CELF2: variants seen among roughly 807,000 people sequenced by gnomAD.
The protein encoded by CELF2 is CUGBP Elav-like family member 2.
Under a neutral mutation model 62.6 loss-of-function variants are expected in CELF2, and 8 were observed. The observed-to-expected ratio is 0.13, with a 90% CI of 0.07 to 0.23. The LOEUF (loss-of-function observed/expected upper bound fraction) is 0.23, where lower values mean the gene tolerates loss of function less well. Ranked by LOEUF, CELF2 falls within the 10% of genes least tolerant of loss-of-function variation. The probability of loss-of-function intolerance (pLI) is 1.00; values close to 1 mark genes in which losing one functional copy is unlikely to be tolerated. For missense variants in CELF2, 333 were observed against 671.0 expected (o/e 0.50, Z 5.56); for synonymous variants, 258 against 250.0 (o/e 1.03, Z -0.30).
intron 5 of CELF2, among the ~76,000 whole-genome samples, chr10:11,258,430 A>G (rs1296016301): frequency 6.6e-6 from 1 of 152,190 alleles, no homozygotes; most frequent in Non-Finnish European, 1.5e-5. Flanking sequence ...GGAACTCGTT[A>G]AGTGACAGAA....
At chr10:10,651,612 C>T in the CELF2 span, among the ~76,000 whole-genome samples, 1 of 146,468 alleles carries the variant, frequency 6.8e-6, no homozygotes, top group South Asian at 2.5e-4. Context: ...CAGGGGCACA[C>T]TGACACCTCA....
the CELF2 span, among the ~76,000 whole-genome samples, chr10:10,680,082 A>G: frequency 6.6e-6 from 1 of 152,226 alleles, no homozygotes; most frequent in Non-Finnish European, 1.5e-5. Flanking sequence ...TTCTCGAATC[A>G]ACATGCTATC....
chr10:10,533,330 T>C, the CELF2 span, among the ~76,000 whole-genome samples: 18 of 152,334 alleles, frequency 1.2e-4, no homozygotes, highest in East Asian at 3.3e-3. Context: ...TAGAGTCCAA[T>C]ATTCAGAGCA....
At chr10:10,611,961 G>A in the CELF2 span, among the ~76,000 whole-genome samples, 4 of 152,060 alleles carry the variant, frequency 2.6e-5, no homozygotes, top group Admixed American at 2.0e-4. Context: ...AGACTCCAAG[G>A]AGATCCATGA....
chr10:11,027,742 A>G (rs1206423296), intron 1 of CELF2, among the ~76,000 whole-genome samples: 1 of 152,166 alleles, frequency 6.6e-6, no homozygotes, highest in African/African-American at 2.4e-5. Flanking sequence ...GTCCTTTGCC[A>G]CTGTCTTATG....
intron 1 of CELF2, among the ~76,000 whole-genome samples, chr10:10,812,508 T>A (rs2056019663): frequency 6.6e-6 from 1 of 152,160 alleles, no homozygotes; most frequent in African/African-American, 2.4e-5. Flanking sequence ...GATCTCTTCA[T>A]GTCTATGTAA....
chr10:10,479,395 C>T, the CELF2 span, among the ~76,000 whole-genome samples: 1 of 152,190 alleles, frequency 6.6e-6, no homozygotes, highest in Admixed American at 6.5e-5. Flanking sequence ...TCTCGACCTC[C>T]TGACCTCGTG....
At chr10:10,745,044 C>G in the CELF2 span, among the ~76,000 whole-genome samples, 75 of 151,034 alleles carry the variant, frequency 5.0e-4, no homozygotes, top group African/African-American at 1.8e-3. Flanking sequence ...TTATTCCTGC[C>G]GGAAACGTTT....
At chr10:10,574,959 C>G in the CELF2 span, among the ~76,000 whole-genome samples, 2 of 148,246 alleles carry the variant, frequency 1.3e-5, no homozygotes, top group Non-Finnish European at 3.0e-5. Flanking sequence ...CTCAGGTGAT[C>G]TACCCACCTT....
At chr10:10,896,645 G>A (rs972830965) in intron 1 of CELF2, among the ~76,000 whole-genome samples, 7 of 152,072 alleles carry the variant, frequency 4.6e-5, no homozygotes, top group South Asian at 4.1e-4. Flanking sequence ...TGCAGCTGCC[G>A]TCCAAGGAAT....
chr10:10,857,051 C>T (rs2059758044), intron 1 of CELF2, among the ~76,000 whole-genome samples: 1 of 152,010 alleles, frequency 6.6e-6, no homozygotes, highest in Admixed American at 6.6e-5. Context: ...TTCTGGACAA[C>T]AGCAAAGGAA....
At chr10:10,539,734 C>T in the CELF2 span, among the ~76,000 whole-genome samples, 1 of 152,166 alleles carries the variant, frequency 6.6e-6, no homozygotes, top group South Asian at 2.1e-4. Context: ...GGTATTAGGA[C>T]TATGTGCAAA....
At position 10,925,272 on chromosome 10, in the gene CELF2, C is replaced by T. The variant is rs537908832; in HGVS notation, c.89+5273C>T. 2.0e-5 allele frequency: 3 copies of T among 152,168 alleles called. No homozygotes were observed. The South Asian group carries it at 6.2e-4, about 32-fold the overall frequency. The allele number at this position is 152,168 out of a possible 1,614,324, so 9.4% of individuals were successfully genotyped here. ...ATCTAGAGCCGATGGATGGACACTT[C>T]CTGTCTTCTTTATAATCCCTAGGAA... On this transcript the variant is annotated intron_variant, in intron 2 of 13. Transcript: ENST00000636488.
At chr10:10,863,053 A>T (rs1366026145) in intron 1 of CELF2, among the ~76,000 whole-genome samples, 3 of 152,198 alleles carry the variant, frequency 2.0e-5, no homozygotes, top group Non-Finnish European at 4.4e-5. Flanking sequence ...GAACCAAAAA[A>T]TGATTCCACC....
At chr10:10,677,323 G>T in the CELF2 span, among the ~76,000 whole-genome samples, 1 of 152,150 alleles carries the variant, frequency 6.6e-6, no homozygotes, top group Admixed American at 6.5e-5. Flanking sequence ...GCTGCTAAAA[G>T]GTCCTGGCAT....
exon 2 of CELF2, chr10:10,919,993 T>C (rs2064734121): frequency 1.6e-6 from 2 of 1,231,642 alleles, no homozygotes; most frequent in Non-Finnish European, 2.0e-6. Context: ...GCTGGGAGTC[T>C]ACCAAGGTGA....
chr10:10,965,587 C>T (rs538838701), intron 2 of CELF2, among the ~76,000 whole-genome samples: 2 of 152,254 alleles, frequency 1.3e-5, no homozygotes, highest in South Asian at 2.1e-4. Context: ...GATGCTAATA[C>T]ACTTTGAGAA....
chr10:10,526,232 T>C, the CELF2 span, among the ~76,000 whole-genome samples: 3 of 152,222 alleles, frequency 2.0e-5, no homozygotes, highest in Non-Finnish European at 4.4e-5. Context: ...TGCAAAGATA[T>C]TATAGAATCA....
At chr10:10,463,976 C>A in the CELF2 span, among the ~76,000 whole-genome samples, 2 of 146,176 alleles carry the variant, frequency 1.4e-5, no homozygotes, top group Non-Finnish European at 3.0e-5. Context: ...AAAAAAAACT[C>A]CTATGGATTT....
Sources: allele counts gnomAD v4.1 joint callset (sites outside exome capture counted in the v4.1 genomes callset), GRCh38; gene constraint gnomAD v4.1.1; transcripts MANE v1.5; gene names NCBI Gene and HGNC (gene_info 2026-07-23, HGNC 2026-07-21).